The following TRANK1 variants were observed in gnomAD, a reference collection of about 807,000 sequenced individuals.
TRANK1 encodes the protein TPR and ankyrin repeat-containing protein 1.
Under a neutral mutation model 266.0 loss-of-function variants are expected in TRANK1, and 198 were observed. The ratio of observed to expected loss-of-function variants is 0.74; its 90% CI spans 0.66 to 0.84. TRANK1 has a LOEUF of 0.84. Among genes scored for constraint, TRANK1 ranks in the 40% least tolerant of loss-of-function variants. TRANK1 has a pLI of 0.00. For synonymous variants in TRANK1, 1,396 were observed against 1,384.1 expected (o/e 1.01, Z -0.19); for missense variants, 3,326 against 3,634.6 (o/e 0.92, Z 2.18).
chr3:36,928,565 A>G (rs1263759397), intron 1 of TRANK1, among the ~76,000 whole-genome samples: 1 of 152,216 alleles, frequency 6.6e-6, no homozygotes, highest in Non-Finnish European at 1.5e-5. Flanking sequence ...CTGCTTTATG[A>G]CTTGATGTTT....
At chr3:36,830,773 A>G (rs1417976946) in intron 22 of TRANK1, 100 bp downstream of exon 22, 1 of 1,322,728 alleles carries the variant, frequency 7.6e-7, no homozygotes, top group Non-Finnish European at 1.0e-6. Flanking sequence ...AGATTCCACC[A>G]TCCCCAAGTC....
At position 36,838,669 on chromosome 3, in the gene TRANK1, C is replaced by T. The variant is rs1432987116; in HGVS notation, c.5328G>A (p.Lys1776=). Reference sequence around the variant, plus strand: ...GGGCAGTGTCATGGGCCAGGGCCAACTTCTCCTTCTCAAATGCACCTCCTT... The same window carrying T: ...GGGCAGTGTCATGGGCCAGGGCCAATTTCTCCTTCTCAAATGCACCTCCTT... ...YQKGGAFEKE[K]LALAHDTALS... Residue 1776 remains lysine, a synonymous_variant, in exon 19 of 24, where the codon AAG becomes AAA. Transcript: ENST00000645898. 1 of 1,613,904 alleles carries T rather than the reference C, an allele frequency of 6.2e-7. No individual in the cohort carries two copies.
chr3:36,866,380 G>A (rs1322432847), intron 9 of TRANK1, among the ~76,000 whole-genome samples: 1 of 152,210 alleles, frequency 6.6e-6, no homozygotes, highest in African/African-American at 2.4e-5. Flanking sequence ...TTAAAAGCAT[G>A]CTTCAGTCAG....
chr3:36,914,616 A>G (rs901334418), intron 1 of TRANK1, among the ~76,000 whole-genome samples: 3 of 151,436 alleles, frequency 2.0e-5, no homozygotes, highest in Admixed American at 1.3e-4. Flanking sequence ...TCCTGGGAAC[A>G]TTTTTCTAGA....
At position 36,857,108 on chromosome 3, in the gene TRANK1, T is replaced by A; in HGVS notation, c.2614A>T (p.Thr872Ser). ...TTCAGTCGCTTCTGCAGGCCCTGGG[T>A]CCACTCGCCATTTCCCAGCTGCTGA... is the stretch of plus-strand genomic sequence containing the variant. ...AIQQLGNGEW[T>S]QGLQKRLKHL... The change falls in exon 13 of 24, where the codon ACC (threonine) becomes TCC (serine). Residue 872 changes from threonine to serine, a missense_variant. By Grantham distance (58) the Thr-to-Ser change is moderately conservative. Transcript: ENST00000645898. The surrounding 1 kb of genome is among the most constrained non-coding windows in gnomAD (Gnocchi z 4.3). 1.9e-6 allele frequency: 3 copies of A among 1,613,992 alleles called. No homozygotes were observed. The highest frequency in any genetic ancestry group is 2.5e-6 in the Non-Finnish European group (3 of 1,179,880).
chr3:36,849,970 C>G (rs1209132190), intron 15 of TRANK1: 1 of 966,638 alleles, frequency 1.0e-6, no homozygotes, highest in African/African-American at 1.8e-5. Flanking sequence ...GGTGGGAGCA[C>G]CGGGTCAAGA....
At position 36,838,639 on chromosome 3, in the gene TRANK1, G is replaced by A; in HGVS notation, c.5358C>T (p.Ser1786=). 1.2e-6 allele frequency: 2 copies of A among 1,613,934 alleles called. No homozygotes were observed. Among genetic ancestry groups the A allele is most frequent in the Non-Finnish European group, 1.7e-6 (2 of 1,179,858 alleles). ...KLALAHDTAL[S]MKSKKVSPKE... Reference sequence around the variant, plus strand: ...TGGGGCTGACTTTCTTGGATTTCATGCTCAGGGCAGTGTCATGGGCCAGGG... The same window carrying A: ...TGGGGCTGACTTTCTTGGATTTCATACTCAGGGCAGTGTCATGGGCCAGGG... Residue 1786 remains serine (S), a synonymous_variant, in exon 19 of 24, where the codon AGC becomes AGT. Coordinates refer to ENST00000645898, the MANE Select transcript of TRANK1 (RefSeq NM_001329998.2).
In TRANK1 at chr3:36,895,654, T is replaced by C; in HGVS notation, c.538A>G (p.Lys180Glu). The C allele has an allele frequency of 3.9e-6, 6 of 1,534,472 alleles. No homozygotes were observed. Among genetic ancestry groups the C allele is most frequent in the Non-Finnish European group, 5.2e-6 (6 of 1,145,798 alleles). ...WQSVIEKLAK[K>E]GLWHSFLLLS... ...CTTTTACTTACATGCCATAATCCTT[T>C]CTTTGCCAACTTTTCTATTACAGAT... The change falls in exon 5 of 24, where the codon AAA (lysine) becomes GAA (glutamate). Residue 180 changes from lysine to glutamate, a missense_variant. Coordinates refer to ENST00000645898, the MANE Select transcript of TRANK1 (RefSeq NM_001329998.2).
Position 36,858,742 on chromosome 3 carries a change from G to A in TRANK1, c.1648C>T (p.Leu550Phe). ...CCTTTAATCTCTAGAAAGATGTGGA[G>A]TGCTGCATGCAAAGGAGTATCACCT... Reference protein sequence around the residue: ...TEGDTPLHAALHIFLEIKADI... With the variant: ...TEGDTPLHAAFHIFLEIKADI... The change falls in exon 12 of 24, where the codon CTC becomes TTC. Residue 550 changes from leucine (L) to phenylalanine (F), a missense_variant. Physicochemically the swap from Leu to Phe is conservative, Grantham distance 22 (BLOSUM62 0). Transcript: ENST00000645898. 6.5e-7 allele frequency: 1 copy of A among 1,535,246 alleles called. No individual in the cohort carries two copies. The highest frequency in any genetic ancestry group is 8.7e-7 in the Non-Finnish European group (1 of 1,145,868).
intron 13 of TRANK1, 136 bp from the exon 14 acceptor site, chr3:36,852,481 A>C: frequency 1.3e-6 from 1 of 752,766 alleles, no homozygotes; most frequent in East Asian, 2.8e-5. Context: ...GCCCGTTTTC[A>C]GTTCCCATTT....
At chr3:36,834,581 G>T in intron 21 of TRANK1, 181 bp downstream of exon 21, 1 of 602,672 alleles carries the variant, frequency 1.7e-6, no homozygotes, top group Non-Finnish European at 2.8e-6. Context: ...AAAGAGACTG[G>T]AAAATAGAGT....
chr3:36,833,948 C>A, intron 21 of TRANK1, 29 bp from the exon 22 acceptor site: 1 of 1,560,926 alleles, frequency 6.4e-7, no homozygotes. Context: ...CAAATGTCAA[C>A]TTGCCATCAC....
intron 10 of TRANK1, among the ~76,000 whole-genome samples, chr3:36,861,421 A>C (rs2079140567): frequency 4.6e-5 from 7 of 152,176 alleles, no homozygotes; most frequent in Admixed American, 4.6e-4. Flanking sequence ...AACGCAGAAT[A>C]CTTGAATTCA....
chr3:36,904,256 C>T (rs146108013), intron 2 of TRANK1, among the ~76,000 whole-genome samples: 196 of 151,952 alleles, frequency 1.3e-3, no homozygotes, highest in Non-Finnish European at 2.3e-3. Flanking sequence ...ATAGGCCAGG[C>T]GCAGTGGCTC....
chr3:36,932,166 T>C (rs1435602529), intron 1 of TRANK1, among the ~76,000 whole-genome samples: 1 of 152,128 alleles, frequency 6.6e-6, no homozygotes, highest in Non-Finnish European at 1.5e-5. Context: ...AATTACAAAC[T>C]CCTATATATC....
At position 36,827,472 on chromosome 3, in the gene TRANK1, A is replaced by G. The variant is rs2078644613; in HGVS notation, c.*803T>C. The G allele has an allele frequency of 6.6e-6, 1 of 152,276 alleles. No homozygotes were observed. 9.4% of individuals were successfully genotyped at this position (152,276 alleles called of 1,614,324 possible). A position where few individuals can be genotyped will look rare whatever the true frequency, so the allele number is the denominator to read the frequency against. On this transcript the variant is annotated 3_prime_UTR_variant, in exon 24 of 24. Coordinates refer to ENST00000645898, the MANE Select transcript of TRANK1 (RefSeq NM_001329998.2). ...GGGCTGTATACAAAACACTTTTTGG[A>G]ATGTCTGCACCATAGCCAAGGCAGA... is the stretch of plus-strand genomic sequence containing the variant.
At chr3:36,891,689 G>T (rs1253884653) in intron 7 of TRANK1, among the ~76,000 whole-genome samples, 1 of 152,154 alleles carries the variant, frequency 6.6e-6, no homozygotes, top group Non-Finnish European at 1.5e-5. Flanking sequence ...GCTTAAAAAA[G>T]AATTTCATGA....
chr3:36,908,506 C>A, intron 1 of TRANK1, 52 bp from the exon 2 acceptor site: 1 of 1,232,080 alleles, frequency 8.1e-7, no homozygotes, highest in South Asian at 4.1e-5. Context: ...AGGGCATGTT[C>A]ACCTTCCGGT....
At chr3:36,834,666 T>C in intron 21 of TRANK1, 96 bp downstream of exon 21, 1 of 1,420,168 alleles carries the variant, frequency 7.0e-7, no homozygotes, top group East Asian at 2.4e-5. Flanking sequence ...GGTCAAACCA[T>C]GTCAGAAGCA....
Sources: gnomAD v4.1 joint callset for allele counts (sites outside exome capture counted in the v4.1 genomes callset) on GRCh38, gnomAD v4.1.1 for gene constraint, Gnocchi (gnomAD v3.1) non-coding constraint, MANE v1.5 for transcripts, NCBI Gene and HGNC (gene_info 2026-07-23, HGNC 2026-07-21) for gene names.